Variants in PLS3 observed in about 807,000 individuals in gnomAD.
The protein encoded by PLS3 is plastin 3, also known as plastin-3.
Under a neutral mutation model 46.5 loss-of-function variants are expected in PLS3, and 11 were observed. The observed-to-expected ratio is 0.24, with a 90% CI of 0.15 to 0.39. The LOEUF is 0.39. PLS3 is among the 10% of genes least tolerant of loss of function. PLS3 has a pLI of 1.00. For missense variants in PLS3, 308 were observed against 461.8 expected (o/e 0.67, Z 3.05); for synonymous variants, 167 against 162.2 (o/e 1.03, Z -0.22).
chrX:115,596,418 A>G (rs933982390), intron 1 of PLS3, among the ~76,000 whole-genome samples: 1 of 111,919 alleles, frequency 8.9e-6, no homozygotes, highest in Admixed American at 9.5e-5. Context: ...TAAGGAGCTC[A>G]CAGGCTCGTG....
In PLS3 at chrX:115,573,296, A is replaced by G. The variant is rs782216783; in HGVS notation, c.-9+12036A>G. Among the ~76,000 whole-genome samples the G allele has an allele frequency of 8.0e-5, 9 of 111,877 alleles. No individual in the cohort carries two copies. The South Asian group carries it at 3.4e-3, about 42-fold the overall frequency. On this transcript the variant is annotated intron_variant, in intron 1 of 15. Transcript: ENST00000355899. The stretch of plus-strand genomic sequence containing the variant: ...GTTATTTCTTTGCAATAATTATTGC[A>G]TACCAAAAAAGAGCCCACTATGAGT...
At chrX:115,641,230 T>C (rs1470791837) in intron 9 of PLS3, among the ~76,000 whole-genome samples, 2 of 98,840 alleles carry the variant, frequency 2.0e-5, no homozygotes, top group Non-Finnish European at 4.1e-5. Context: ...TCTTTCTTTT[T>C]TTTTTTTTTT....
intron 3 of PLS3, among the ~76,000 whole-genome samples, chrX:115,625,899 T>A: frequency 8.9e-6 from 1 of 111,904 alleles, no homozygotes; most frequent in African/African-American, 3.2e-5. Flanking sequence ...ATAAAAGGAA[T>A]AAAAAACATA....
chrX:115,642,692 G>A (rs782236400), intron 9 of PLS3, among the ~76,000 whole-genome samples: 2 of 111,575 alleles, frequency 1.8e-5, no homozygotes, highest in South Asian at 7.6e-4. Flanking sequence ...CTCCAAAGCA[G>A]AAAGTAGTAA....
Position 115,629,241 on chromosome X carries a change from G to T in PLS3, c.281G>T (p.Arg94Leu). 1 of 1,196,288 alleles carries T rather than the reference G, an allele frequency of 8.4e-7. No individual in the cohort carries two copies. Among genetic ancestry groups the T allele is most frequent in the Non-Finnish European group, 1.1e-6 (1 of 882,113 alleles). ...AGTAGTGATATTGCCAAGACCTTCC[G>T]CAAAGCAATCAACAGGAAAGAAGGT... ...VKSSDIAKTF[R>L]KAINRKEGIC... Residue 94 changes from arginine to leucine, a missense_variant, in exon 4 of 16, where the codon CGC (arginine) becomes CTC (leucine). Coordinates refer to ENST00000355899, the MANE Select transcript of PLS3 (RefSeq NM_005032.7).
chrX:115,647,709 T>C (rs1556641962), intron 14 of PLS3, 36 bp downstream of exon 14: 1 of 1,179,586 alleles, frequency 8.5e-7, no homozygotes. Flanking sequence ...ATATTATGTT[T>C]GCTGGATAAC....
chrX:115,642,159 G>A (rs781839241), intron 9 of PLS3, among the ~76,000 whole-genome samples: 1 of 107,899 alleles, frequency 9.3e-6, no homozygotes, highest in Non-Finnish European at 1.9e-5. Flanking sequence ...GATTACAGGC[G>A]TGAGCCACCA....
intron 1 of PLS3, among the ~76,000 whole-genome samples, chrX:115,601,259 T>A (rs34659598): frequency 9.2e-6 from 1 of 109,219 alleles, no homozygotes; most frequent in African/African-American, 3.3e-5. Flanking sequence ...GTAGTACATA[T>A]AATGGGAAGT....
chrX:115,623,146 AC>A (rs1285976874), intron 3 of PLS3, among the ~76,000 whole-genome samples: 3 of 111,185 alleles, frequency 2.7e-5, no homozygotes, highest in Non-Finnish European at 5.7e-5. Context: ...GATTTTTTAG[AC>A]TTATGCCATT....
intron 2 of PLS3, among the ~76,000 whole-genome samples, chrX:115,620,936 C>T (rs782487849): frequency 7.0e-4 from 77 of 109,251 alleles, no homozygotes; most frequent in South Asian, 2.0e-3. Context: ...TCAAGTGATC[C>T]GCCTGCCTCG....
At chrX:115,610,349 T>C (rs1055784436) in intron 2 of PLS3, 26 bp downstream of exon 2, 57 of 819,166 alleles carry the variant, frequency 7.0e-5, no homozygotes, top group Non-Finnish European at 9.6e-5. Flanking sequence ...AGTAAAACTA[T>C]AGGGAAGCAA....
At chrX:115,568,862 C>T (rs189356184) in intron 1 of PLS3, among the ~76,000 whole-genome samples, 50 of 111,224 alleles carry the variant, frequency 4.5e-4, no homozygotes, top group Non-Finnish European at 8.7e-4. Flanking sequence ...GGCAAAACTC[C>T]GTCTCTACTA....
intron 1 of PLS3, among the ~76,000 whole-genome samples, chrX:115,596,769 G>A (rs1255809548): frequency 4.5e-5 from 5 of 110,489 alleles, no homozygotes; most frequent in South Asian, 3.9e-4. Context: ...CCCAGGAGTC[G>A]GAGGTTGCAG....
At chrX:115,568,485 A>T (rs1556630370) in intron 1 of PLS3, among the ~76,000 whole-genome samples, 2 of 111,984 alleles carry the variant, frequency 1.8e-5, no homozygotes, top group East Asian at 2.8e-4. Flanking sequence ...AAATATTTTT[A>T]AAAATGTTTA....
At position 115,640,475 on chromosome X, in the gene PLS3, G is replaced by A. The variant is rs1490213036; in HGVS notation, c.959G>A (p.Arg320Gln). 13 of 1,172,784 alleles carry A rather than the reference G, an allele frequency of 1.1e-5. No homozygotes were observed. Among genetic ancestry groups the A allele is most frequent in the Non-Finnish European group, 1.5e-5 (13 of 860,595 alleles). ...AAAGGACAAAAGGAAGGTGAACCAC[G>A]GATAGATATTAACATGTCAGGTTTC... is the stretch of plus-strand genomic sequence containing the variant. ...APKGQKEGEPRIDINMSGFNE... is the reference protein window; with the variant it reads ...APKGQKEGEPQIDINMSGFNE... Residue 320 changes from arginine (R) to glutamine (Q), a missense_variant, in exon 9 of 16, where the codon CGG becomes CAG. Physicochemically the swap from Arg to Gln is conservative, Grantham distance 43. This residue lies in a region of PLS3 where 271 missense variants were observed against 435.7 expected (regional missense o/e 0.62). Coordinates refer to ENST00000355899, the MANE Select transcript of PLS3 (RefSeq NM_005032.7).
chrX:115,629,502 T>G (rs782241711), intron 4 of PLS3, among the ~76,000 whole-genome samples, 175 bp downstream of exon 4: 1 of 112,229 alleles, frequency 8.9e-6, no homozygotes, highest in East Asian at 2.8e-4. Context: ...TATAAGTGTT[T>G]ATTGTATGGC....
chrX:115,608,408 A>G (rs2074515434), intron 1 of PLS3, among the ~76,000 whole-genome samples: 1 of 111,846 alleles, frequency 8.9e-6, no homozygotes, highest in Non-Finnish European at 1.9e-5. Flanking sequence ...CAGTGGAACT[A>G]CTCTATGTAA....
chrX:115,623,416 G>A (rs2074676429), intron 3 of PLS3, among the ~76,000 whole-genome samples: 2 of 111,193 alleles, frequency 1.8e-5, no homozygotes, highest in Non-Finnish European at 1.9e-5. Flanking sequence ...AGCTACTCAG[G>A]AGGCTGAGGC....
intron 5 of PLS3, among the ~76,000 whole-genome samples, chrX:115,630,643 G>A (rs1556639141): frequency 1.9e-5 from 2 of 102,872 alleles, no homozygotes; most frequent in Non-Finnish European, 3.9e-5. Context: ...AAAGTGCTTA[G>A]GGTAGTGCAA....
Sources: gnomAD v4.1 joint callset for allele counts (sites outside exome capture counted in the v4.1 genomes callset) on GRCh38, gnomAD v4.1.1 for gene constraint, gnomAD v4.1.1 regional missense constraint, MANE v1.5 for transcripts, NCBI Gene and HGNC (gene_info 2026-07-23, HGNC 2026-07-21) for gene names.